PREX2: variants seen among roughly 807,000 people sequenced by gnomAD.
The protein encoded by PREX2 is phosphatidylinositol-3,4,5-trisphosphate dependent Rac exchange factor 2.
PREX2 carries 107 observed loss-of-function variants against 203.2 expected under a neutral mutation model. That is an observed-to-expected ratio of 0.53 (90% CI 0.45 to 0.62). The LOEUF (loss-of-function observed/expected upper bound fraction) is 0.62, where lower values mean the gene tolerates loss of function less well. Ranked by LOEUF, PREX2 falls within the 20% of genes least tolerant of loss-of-function variation. PREX2 has a pLI of 0.00. For missense variants in PREX2, 1,777 were observed against 1,955.9 expected (o/e 0.91, Z 1.72); for synonymous variants, 672 against 663.6 (o/e 1.01, Z -0.19).
At position 68,046,432 on chromosome 8, in the gene PREX2, G is replaced by A. The variant is rs1356206985; in HGVS notation, c.943+1842G>A. Among the ~76,000 whole-genome samples, 4 of 152,068 alleles carry A rather than the reference G, an allele frequency of 2.6e-5. No individual in the cohort carries two copies. The East Asian group carries it at 7.7e-4, about 29-fold the overall frequency. On this transcript the variant is annotated intron_variant, in intron 8 of 39. Coordinates refer to ENST00000288368, the MANE Select transcript of PREX2 (RefSeq NM_024870.4). ...GTAAGGGAATGAGATCCTATGAAGGGTGACTTGAATTGCACAGATGGTTCT... is the reference window on the plus strand; with the variant it reads ...GTAAGGGAATGAGATCCTATGAAGGATGACTTGAATTGCACAGATGGTTCT...
chr8:68,201,900 A>ATTTTTTTTTTTT (rs869153263), intron 37 of PREX2, among the ~76,000 whole-genome samples: 1 of 98,256 alleles, frequency 1.0e-5, no homozygotes, highest in African/African-American at 4.4e-5. Flanking sequence ...GGTAACACCT[A>ATTTTTTTTTTTT]TTTTTTTTTT....
chr8:68,053,166 G>A lies in PREX2; in HGVS notation c.1013G>A (p.Trp338Ter). 6.2e-7 allele frequency: 1 copy of A among 1,613,600 alleles called. No individual in the cohort carries two copies. Residue 338 changes from tryptophan to a stop codon, truncating the protein, a stop_gained, in exon 9 of 40, where the codon TGG becomes TAG. Coordinates refer to ENST00000288368, the MANE Select transcript of PREX2 (RefSeq NM_024870.4). LOFTEE classifies it high-confidence loss of function. ...WKIHNTAKNK[W>*]FVCMAKTPEE... Reference sequence around the variant, plus strand: ...ATACATAACACAGCAAAAAATAAATGGTTTGTTTGTATGGCAAAAACACCT... The same window carrying A: ...ATACATAACACAGCAAAAAATAAATAGTTTGTTTGTATGGCAAAAACACCT...
In PREX2 at chr8:68,117,640, C is replaced by A. The variant is rs571455138; in HGVS notation, c.3327-910C>A. On this transcript the variant is annotated intron_variant, in intron 26 of 39. Coordinates refer to ENST00000288368, the MANE Select transcript of PREX2 (RefSeq NM_024870.4). ...TTAAATGTAAATTTAAAGTTAAGGA[C>A]GTCCTTTTTACTTATTCTGAGAGGA... Among the ~76,000 whole-genome samples the A allele has an allele frequency of 2.6e-5, 4 of 152,276 alleles. No individual in the cohort carries two copies. The South Asian group carries it at 8.3e-4, about 32-fold the overall frequency.
At chr8:68,137,753 A>G (rs573861084) in intron 32 of PREX2, among the ~76,000 whole-genome samples, 11 of 152,310 alleles carry the variant, frequency 7.2e-5, no homozygotes, top group African/African-American at 2.6e-4. Context: ...AACTTTTTTA[A>G]TGTCTGGGCC....
At chr8:68,139,808 G>T (rs184822931) in intron 33 of PREX2, among the ~76,000 whole-genome samples, 193 of 152,242 alleles carry the variant, frequency 1.3e-3, no homozygotes, top group Non-Finnish European at 2.5e-3. Context: ...TAGAAATTTA[G>T]GTTATATTTA....
chr8:68,177,706 G>T (rs1269130979), intron 35 of PREX2, among the ~76,000 whole-genome samples: 2 of 152,108 alleles, frequency 1.3e-5, no homozygotes, highest in African/African-American at 2.4e-5. Context: ...GTGTGCCATG[G>T]TGGTTTACTG....
chr8:68,221,422 G>A (rs1309272137), intron 38 of PREX2, among the ~76,000 whole-genome samples: 1 of 152,130 alleles, frequency 6.6e-6, no homozygotes, highest in Non-Finnish European at 1.5e-5. Context: ...AGTTTCCTCA[G>A]TATTAAAACA....
chr8:68,210,783 C>A lies in PREX2; in HGVS notation c.4605-6833C>A, dbSNP rs1812728248. Among the ~76,000 whole-genome samples the A allele has an allele frequency of 5.9e-5, 9 of 152,152 alleles. No individual in the cohort carries two copies. In the South Asian group the frequency reaches 1.9e-3, roughly 32 times the overall value. On this transcript the variant is annotated intron_variant, in intron 37 of 39. Coordinates refer to ENST00000288368, the MANE Select transcript of PREX2 (RefSeq NM_024870.4). Reference sequence around the variant, plus strand: ...TTTGTCTGCAATCATGGTAAATGACCAACTGTAGGAGGCCCGTAGTTTTCG... The same window carrying A: ...TTTGTCTGCAATCATGGTAAATGACAAACTGTAGGAGGCCCGTAGTTTTCG...
At chr8:68,209,702 A>G (rs1264864400) in intron 37 of PREX2, among the ~76,000 whole-genome samples, 2 of 152,172 alleles carry the variant, frequency 1.3e-5, no homozygotes, top group East Asian at 3.9e-4. Flanking sequence ...GGAAAAACTT[A>G]CTGATTTCAA....
At position 68,155,171 on chromosome 8, in the gene PREX2, C is replaced by T. The variant is rs571960272; in HGVS notation, c.4232-2151C>T. 2.0e-5 allele frequency among the ~76,000 whole-genome samples: 3 copies of T among 152,186 alleles called. No homozygotes were observed. In the East Asian group the frequency reaches 5.8e-4, roughly 30 times the overall value. On this transcript the variant is annotated intron_variant, in intron 34 of 39. Transcript: ENST00000288368. ...AGAGAAAAGCCTCATCCAATATCTG[C>T]TGACTTGCAGAAGCCTTTAATTTAA...
rs1291970388 is a variant in PREX2, at chr8:68,115,724, G to T, written c.3147-29G>T. 2.6e-6 allele frequency: 4 copies of T among 1,545,260 alleles called. No individual in the cohort carries two copies. The Admixed American group carries it at 7.4e-5, about 29-fold the overall frequency. ...TATATATAGCAGACAGTTTGAAAAT[G>T]TGCATTTTTTTTTAATATTACATTG... On this transcript the variant is annotated intron_variant, in intron 25 of 39. Transcript: ENST00000288368.
intron 1 of PREX2, among the ~76,000 whole-genome samples, chr8:67,970,455 C>T (rs1805895874): frequency 6.6e-6 from 1 of 152,166 alleles, no homozygotes; most frequent in African/African-American, 2.4e-5. Flanking sequence ...TACCCCTAAT[C>T]TATTTTTATG....
chr8:68,118,701 C>A, intron 27 of PREX2, 57 bp downstream of exon 27: 1 of 1,238,306 alleles, frequency 8.1e-7, no homozygotes, highest in Non-Finnish European at 1.2e-6. Flanking sequence ...TAGGAGATAA[C>A]TTTAAGGTTT....
chr8:68,020,593 A>C (rs187317135), intron 3 of PREX2, among the ~76,000 whole-genome samples: 353 of 152,346 alleles, frequency 2.3e-3, no homozygotes, highest in Non-Finnish European at 4.2e-3. Context: ...TTTTATAGTC[A>C]GAAAATATTT....
intron 35 of PREX2, among the ~76,000 whole-genome samples, chr8:68,190,674 A>T (rs1274436567): frequency 6.6e-6 from 1 of 152,116 alleles, no homozygotes; most frequent in Middle Eastern, 3.2e-3. Context: ...TGATGGGTAC[A>T]GTAGAAGCCC....
At chr8:68,096,880 A>G in intron 21 of PREX2, 137 bp from the exon 22 acceptor site, 1 of 696,236 alleles carries the variant, frequency 1.4e-6, no homozygotes, top group South Asian at 1.8e-5. Context: ...TAACAAGAAT[A>G]GATGCTTCAT....
chr8:68,217,549 A>G (rs1812866783), intron 37 of PREX2, 67 bp from the exon 38 acceptor site: 3 of 1,131,560 alleles, frequency 2.7e-6, no homozygotes, highest in Non-Finnish European at 4.0e-6. Context: ...GTGATTAGTA[A>G]TCCACATCAT....
chr8:68,121,252 C>T (rs1810768210), intron 30 of PREX2, among the ~76,000 whole-genome samples: 1 of 151,964 alleles, frequency 6.6e-6, no homozygotes, highest in South Asian at 2.1e-4. Context: ...TTATAAACAT[C>T]ATGGAGAATA....
intron 15 of PREX2, among the ~76,000 whole-genome samples, chr8:68,078,824 A>C (rs1030085334): frequency 6.6e-6 from 1 of 152,108 alleles, no homozygotes; most frequent in African/African-American, 2.4e-5. Context: ...ATTTTATCTA[A>C]GCGTTTATTA....
Sources: allele counts gnomAD v4.1 joint callset (sites outside exome capture counted in the v4.1 genomes callset), GRCh38; gene constraint gnomAD v4.1.1; transcripts MANE v1.5; gene names NCBI Gene and HGNC (gene_info 2026-07-23, HGNC 2026-07-21).